The following LSAMP variants were observed in gnomAD, a reference collection of about 807,000 sequenced individuals.
LSAMP encodes limbic system associated membrane protein.
LSAMP carries 7 observed loss-of-function variants against 38.6 expected under a neutral mutation model. The observed-to-expected ratio is 0.18, with a 90% CI of 0.10 to 0.34. The LOEUF is 0.34. Among genes scored for constraint, LSAMP ranks in the 10% least tolerant of loss-of-function variants. The pLI is 1.00. For synonymous variants in LSAMP, 154 were observed against 166.8 expected (o/e 0.92, Z 0.59); for missense variants, 313 against 420.0 (o/e 0.75, Z 2.23).
chr3:116,357,240 T>C (rs557547250), intron 1 of LSAMP, among the ~76,000 whole-genome samples: 227 of 152,318 alleles, frequency 1.5e-3, no homozygotes, highest in Non-Finnish European at 2.5e-3. Context: ...AAACTATAAT[T>C]TTATAATGAG....
intron 6 of LSAMP, among the ~76,000 whole-genome samples, chr3:115,830,207 T>TA (rs1315928953): frequency 6.6e-6 from 1 of 152,180 alleles, no homozygotes; most frequent in Non-Finnish European, 1.5e-5. Flanking sequence ...CTCAAGTTTT[T>TA]AAAAAATGAA....
At chr3:115,929,380 CTTG>C (rs984777843) in intron 3 of LSAMP, among the ~76,000 whole-genome samples, 8 of 152,016 alleles carry the variant, frequency 5.3e-5, no homozygotes, top group Non-Finnish European at 1.0e-4. Flanking sequence ...TGGAATTCTA[CTTG>C]TGACACTACT....
rs530205082 is a variant in LSAMP, at chr3:116,118,671, T to C, written c.156-32115A>G. Among the ~76,000 whole-genome samples, 5 of 152,318 alleles carry C rather than the reference T, an allele frequency of 3.3e-5. No homozygotes were observed. The East Asian group carries it at 9.6e-4, about 29-fold the overall frequency. On this transcript the variant is annotated intron_variant, in intron 1 of 6. Transcript: ENST00000490035. Reference sequence around the variant, plus strand: ...GTTAGCTCCGTGAGACCAGAGGCTCTATCTGCTCATCTTTGTATACACAAC... The same window carrying C: ...GTTAGCTCCGTGAGACCAGAGGCTCCATCTGCTCATCTTTGTATACACAAC...
At chr3:116,329,906 CATTAA>C (rs2047825596) in intron 1 of LSAMP, among the ~76,000 whole-genome samples, 1 of 152,078 alleles carries the variant, frequency 6.6e-6, no homozygotes, top group African/African-American at 2.4e-5. Context: ...TGATAACTTA[CATTAA>C]ATTAAATTAA....
chr3:116,343,449 T>C (rs1372017386), intron 1 of LSAMP, among the ~76,000 whole-genome samples: 2 of 152,140 alleles, frequency 1.3e-5, no homozygotes, highest in Non-Finnish European at 2.9e-5. Flanking sequence ...TATATTCTAA[T>C]GGTAAAGAAA....
chr3:116,176,698 G>A (rs186654140), intron 1 of LSAMP, among the ~76,000 whole-genome samples: 25 of 152,240 alleles, frequency 1.6e-4, no homozygotes, highest in Admixed American at 3.3e-4. Flanking sequence ...TCTGGCACAT[G>A]GAGAGACTCA....
chr3:116,254,248 A>T (rs545057994), intron 1 of LSAMP, among the ~76,000 whole-genome samples: 1 of 152,324 alleles, frequency 6.6e-6, no homozygotes, highest in Admixed American at 6.5e-5. Context: ...TCCACAAATT[A>T]GAGCTGCATT....
chr3:116,184,603 G>T (rs1028576843), intron 1 of LSAMP, among the ~76,000 whole-genome samples: 3 of 151,930 alleles, frequency 2.0e-5, no homozygotes, highest in Non-Finnish European at 4.4e-5. Flanking sequence ...TTTTTAGCAG[G>T]AGGGTTTGAA....
At chr3:116,012,597 C>T (rs1021047287) in intron 3 of LSAMP, among the ~76,000 whole-genome samples, 7 of 151,986 alleles carry the variant, frequency 4.6e-5, no homozygotes, top group East Asian at 1.9e-4. Context: ...AGACCTTAAG[C>T]GGGTACATTG....
At chr3:116,117,937 C>CTT (rs143242215) in intron 1 of LSAMP, among the ~76,000 whole-genome samples, 3 of 148,790 alleles carry the variant, frequency 2.0e-5, no homozygotes, top group African/African-American at 4.9e-5. Flanking sequence ...TTTCGTATAT[C>CTT]TTTTTTTTTT....
chr3:115,915,068 C>T (rs1239070714), intron 3 of LSAMP, among the ~76,000 whole-genome samples: 2 of 152,160 alleles, frequency 1.3e-5, no homozygotes, highest in African/African-American at 4.8e-5. Flanking sequence ...GATATAGAAA[C>T]GGTTTGAAAA....
intron 1 of LSAMP, among the ~76,000 whole-genome samples, chr3:116,127,274 T>C (rs932172212): frequency 2.0e-5 from 3 of 152,180 alleles, no homozygotes; most frequent in African/African-American, 7.2e-5. Context: ...ATCTGATTGT[T>C]TTAATAATTT....
intron 3 of LSAMP, among the ~76,000 whole-genome samples, chr3:115,991,745 C>CA (rs900999195): frequency 6.6e-6 from 1 of 152,014 alleles, no homozygotes; most frequent in Non-Finnish European, 1.5e-5. Context: ...GTAGAAACCC[C>CA]AAAAAAAGGG....
intron 1 of LSAMP, among the ~76,000 whole-genome samples, chr3:116,156,280 A>G (rs1240517348): frequency 2.0e-5 from 3 of 152,172 alleles, no homozygotes; most frequent in Non-Finnish European, 4.4e-5. Flanking sequence ...TACAGAAAGG[A>G]ACAGATATCA....
At chr3:116,004,423 C>T (rs1391105280) in intron 3 of LSAMP, among the ~76,000 whole-genome samples, 1 of 151,044 alleles carries the variant, frequency 6.6e-6, no homozygotes, top group African/African-American at 2.4e-5. Context: ...CATATATACA[C>T]ATATACATAT....
intron 3 of LSAMP, among the ~76,000 whole-genome samples, chr3:115,920,500 T>C (rs183918354): frequency 1.3e-4 from 20 of 152,316 alleles, no homozygotes; most frequent in Non-Finnish European, 4.4e-5. Context: ...GCTTCTTGTA[T>C]GTCTTCTTCA....
intron 1 of LSAMP, among the ~76,000 whole-genome samples, chr3:116,402,667 T>C (rs1487707424): frequency 6.6e-6 from 1 of 152,098 alleles, no homozygotes; most frequent in African/African-American, 2.4e-5. Flanking sequence ...CATATATATA[T>C]GCGAGTATAT....
chr3:116,202,009 TG>T, intron 1 of LSAMP, among the ~76,000 whole-genome samples: 1 of 152,322 alleles, frequency 6.6e-6, no homozygotes, highest in African/African-American at 2.4e-5. Flanking sequence ...TCTTCCCCTG[TG>T]GTCTTTAATT....
At chr3:116,353,205 C>T (rs71323440) in intron 1 of LSAMP, among the ~76,000 whole-genome samples, 24,369 of 151,974 alleles carry the variant, frequency 0.16, 2,327 homozygotes, top group African/African-American at 0.26. Flanking sequence ...GTTAATAATA[C>T]TGCATGCCTA....
Sources: gnomAD v4.1 joint callset for allele counts (sites outside exome capture counted in the v4.1 genomes callset) on GRCh38, gnomAD v4.1.1 for gene constraint, MANE v1.5 for transcripts, NCBI Gene and HGNC (gene_info 2026-07-23, HGNC 2026-07-21) for gene names.